The following TCF3 variants were observed in gnomAD, a reference collection of about 807,000 sequenced individuals.
TCF3 encodes the protein transcription factor 3, also known as transcription factor E2-alpha.
A neutral mutation model predicts 72.3 loss-of-function variants in TCF3; 54 were observed. The ratio of observed to expected loss-of-function variants is 0.75; its 90% CI spans 0.60 to 0.94. The LOEUF is 0.94. Ranked by LOEUF, TCF3 falls within the 40% of genes least tolerant of loss-of-function variation. The pLI, the probability that TCF3 is intolerant of heterozygous loss-of-function variation, is 0.00. For synonymous variants in TCF3, 525 were observed against 412.6 expected (o/e 1.27, Z -3.30); for missense variants, 1,078 against 934.4 (o/e 1.15, Z -2.00).
chr19:1,621,731 A>G (rs2062246143), intron 11 of TCF3, 107 bp downstream of exon 11: 1 of 1,387,848 alleles, frequency 7.2e-7, no homozygotes, highest in Non-Finnish European at 9.5e-7. Context: ...TCTCAGGGCC[A>G]GCAGACGCGC....
intron 1 of TCF3, 188 bp from the exon 2 acceptor site, chr19:1,650,475 A>T (rs983104882): frequency 3.6e-6 from 2 of 562,214 alleles, no homozygotes; most frequent in African/African-American, 1.9e-5. Flanking sequence ...GGAATTCCAG[A>T]GTCTAGGTCC....
At chr19:1,632,468 G>A in intron 3 of TCF3, 63 bp from the exon 4 acceptor site, 2 of 1,512,824 alleles carry the variant, frequency 1.3e-6, no homozygotes, top group Non-Finnish European at 1.8e-6. Flanking sequence ...AAAAGCTTCG[G>A]TTCATCATCT....
At chr19:1,648,820 G>T (rs902414943) in intron 2 of TCF3, among the ~76,000 whole-genome samples, 3 of 106,888 alleles carry the variant, frequency 2.8e-5, no homozygotes, top group East Asian at 2.3e-4. Context: ...CTGGGCATGG[G>T]GGGGGGGGGG....
At position 1,614,489 on chromosome 19, in the gene TCF3, C is replaced by G. The variant is rs1376055695; in HGVS notation, c.1822+796G>C. On this transcript the variant is annotated intron_variant, in intron 18 of 18. Transcript: ENST00000262965. This position sits in a 1 kb window ranked among gnomAD's most constrained non-coding sequence, Gnocchi z 5.6. ...GATGGAGGGGAGGGCGGAAGGCAGA[C>G]AGCAGAGAGGCGGGCTTGGGGGGCG... 6.6e-6 allele frequency among the ~76,000 whole-genome samples: 1 copy of G among 152,094 alleles called. No individual in the cohort carries two copies. Among genetic ancestry groups the G allele is most frequent in the African/African-American group, 2.4e-5 (1 of 41,418 alleles).
At chr19:1,626,608 A>G (rs1022682247) in intron 6 of TCF3, among the ~76,000 whole-genome samples, 4 of 151,768 alleles carry the variant, frequency 2.6e-5, no homozygotes, top group Non-Finnish European at 4.4e-5. Context: ...AGCGCCAGAG[A>G]GCAGGGCCCG....
chr19:1,619,562 G>A (rs889389184), intron 14 of TCF3, 88 bp from the exon 15 acceptor site: 35 of 1,478,072 alleles, frequency 2.4e-5, no homozygotes, highest in African/African-American at 2.8e-5. Flanking sequence ...GCAAGTGGCC[G>A]GTGGTCCCAT....
Position 1,614,347 on chromosome 19 carries a change from C to T in TCF3, c.1822+938G>A, listed in dbSNP as rs929414451. ...TCTGGTTTCTTCCCGCAAGCCCTGA[C>T]GGGGGGCTTTGGGGGAGGAAACGCC... On this transcript the variant is annotated intron_variant, in intron 18 of 18. Transcript: ENST00000262965. The surrounding 1 kb of genome is among the most constrained non-coding windows in gnomAD (Gnocchi z 5.6). Among the ~76,000 whole-genome samples the T allele has an allele frequency of 2.6e-5, 4 of 152,274 alleles. No homozygotes were observed. The highest frequency in any genetic ancestry group is 2.1e-4 in the South Asian group (1 of 4,824).
intron 7 of TCF3, 72 bp downstream of exon 7, chr19:1,625,504 C>A (rs571766901): frequency 2.1e-6 from 3 of 1,458,598 alleles, no homozygotes; most frequent in African/African-American, 3.0e-5. Flanking sequence ...CCTCAGCTAA[C>A]GGGAAGCCTC....
chr19:1,650,403 G>A lies in TCF3; in HGVS notation c.-39-116C>T, dbSNP rs1001463229. On this transcript the variant is annotated intron_variant, in intron 1 of 18. Coordinates refer to ENST00000262965, the MANE Select transcript of TCF3 (RefSeq NM_003200.5). Reference sequence around the variant, plus strand: ...CCTAAAAAACCCTCAACCGCCCTGGGGTCTGAGTTCCAGCAGAGCCCTGGG... The same window carrying A: ...CCTAAAAAACCCTCAACCGCCCTGGAGTCTGAGTTCCAGCAGAGCCCTGGG... 5 of 741,350 alleles carry A rather than the reference G, an allele frequency of 6.7e-6. No individual in the cohort carries two copies. In the African/African-American group the frequency reaches 7.1e-5, roughly 11 times the overall value. The allele number at this position is 741,350 out of a possible 1,614,324, so 45.9% of individuals were successfully genotyped here.
intron 3 of TCF3, among the ~76,000 whole-genome samples, chr19:1,636,804 G>T (rs561756760): frequency 5.9e-5 from 9 of 152,212 alleles, no homozygotes; most frequent in Admixed American, 4.6e-4. Context: ...CCTTGTTGGG[G>T]GGCTGACGAG....
rs547618529 is a variant in TCF3 at position 1,651,559 on chromosome 19, G to A, written c.-40+741C>T. ...CTAAAACGGGCATTCTACGGGAGCTGGAAGACTTCTGGGGCGTCCCAAGGA... is the reference window on the plus strand; with the variant it reads ...CTAAAACGGGCATTCTACGGGAGCTAGAAGACTTCTGGGGCGTCCCAAGGA... On this transcript the variant is annotated intron_variant, in intron 1 of 18. Transcript: ENST00000262965. Among the ~76,000 whole-genome samples the A allele has an allele frequency of 1.4e-4, 22 of 152,344 alleles. No individual in the cohort carries two copies. The East Asian group carries it at 4.1e-3, about 28-fold the overall frequency.
intron 8 of TCF3, among the ~76,000 whole-genome samples, chr19:1,623,366 A>G (rs933529737): frequency 4.7e-5 from 7 of 147,924 alleles, no homozygotes; most frequent in Admixed American, 6.8e-5. Context: ...GGGAGCCCCA[A>G]TTGCGGCACC....
chr19:1,650,921 T>A, intron 1 of TCF3: 1 of 224,594 alleles, frequency 4.5e-6, no homozygotes, highest in Non-Finnish European at 8.8e-6. Context: ...TCCTCCACCC[T>A]CAATCTCCCT....
chr19:1,645,622 A>G (rs1162422149), intron 3 of TCF3, among the ~76,000 whole-genome samples: 3 of 152,028 alleles, frequency 2.0e-5, no homozygotes, highest in South Asian at 2.1e-4. Context: ...GACCTTCACT[A>G]GAGGTCCCGC....
intron 5 of TCF3, among the ~76,000 whole-genome samples, chr19:1,627,739 AG>A (rs2063076529): frequency 1.3e-5 from 2 of 151,512 alleles, no homozygotes; most frequent in South Asian, 4.2e-4. Flanking sequence ...AGCCCTGCCC[AG>A]GGGGTGGGGC....
rs540385028 is a variant in TCF3, at chr19:1,619,094, C to G, written c.1450+17G>C. 9.4e-6 allele frequency: 15 copies of G among 1,599,122 alleles called. No homozygotes were observed. The South Asian group carries it at 1.6e-4, about 18-fold the overall frequency. On this transcript the variant is annotated intron_variant, in intron 16 of 18. Transcript: ENST00000262965. ...ACTGGAACCAGGAGTCGGACAGTCC[C>G]AAGCTCAAGGGCTTACCACTGTAGG...
rs1409674323 is a variant in TCF3, at chr19:1,650,426, G to T, written c.-39-139C>A. On this transcript the variant is annotated intron_variant, in intron 1 of 18. Transcript: ENST00000262965. ...GGGGTCTGAGTTCCAGCAGAGCCCT[G>T]GGGGCACGGGGAGCCCTGGGAGCAG... 6 of 618,138 alleles carry T rather than the reference G, an allele frequency of 9.7e-6. No individual in the cohort carries two copies. The African/African-American group carries it at 1.1e-4, about 11-fold the overall frequency. The allele number at this position is 618,138 out of a possible 1,614,324, so 38.3% of individuals were successfully genotyped here.
At chr19:1,638,408 G>C (rs908849579) in intron 3 of TCF3, among the ~76,000 whole-genome samples, 1 of 152,028 alleles carries the variant, frequency 6.6e-6, no homozygotes, top group Non-Finnish European at 1.5e-5. Flanking sequence ...TGGCTCTGTC[G>C]CCCAGGCTGG....
chr19:1,625,909 T>C (rs1344688619), intron 6 of TCF3, among the ~76,000 whole-genome samples: 2 of 152,198 alleles, frequency 1.3e-5, no homozygotes, highest in Non-Finnish European at 1.5e-5. Context: ...CACTGCTGTT[T>C]TCACGAAGAA....
Sources: allele counts gnomAD v4.1 joint callset (sites outside exome capture counted in the v4.1 genomes callset), GRCh38; gene constraint gnomAD v4.1.1; non-coding constraint Gnocchi (gnomAD v3.1); transcripts MANE v1.5; gene names NCBI Gene and HGNC (gene_info 2026-07-23, HGNC 2026-07-21).